The following PTGES3L variants were observed in gnomAD, a reference collection of about 807,000 sequenced individuals.
PTGES3L encodes the protein putative protein PTGES3L.
A neutral mutation model predicts 25.0 loss-of-function variants in PTGES3L; 17 were observed. The ratio of observed to expected loss-of-function variants is 0.68; its 90% CI spans 0.47 to 1.02. The LOEUF (loss-of-function observed/expected upper bound fraction) is 1.02, where lower values mean the gene tolerates loss of function less well. Among genes scored for constraint, PTGES3L ranks in the 50% least tolerant of loss-of-function variants. PTGES3L has a pLI of 0.00. For missense variants in PTGES3L, 202 were observed against 197.5 expected, an observed-to-expected ratio of 1.02 and a Z score of -0.14; for synonymous variants, 59 against 65.7, an observed-to-expected ratio of 0.90 and a Z score of 0.50.
chr17:42,971,192 C>A (rs911410491), intron 5 of PTGES3L, among the ~76,000 whole-genome samples: 2 of 151,778 alleles, frequency 1.3e-5, no homozygotes, highest in Admixed American at 1.3e-4. Flanking sequence ...CCCAGCTACT[C>A]AGGAGGATGA....
rs1365037998 is a variant in PTGES3L, at chr17:42,975,309, T to C, written c.289-3613A>G. Among the ~76,000 whole-genome samples, 4 of 151,658 alleles carry C rather than the reference T, an allele frequency of 2.6e-5. No homozygotes were observed. The East Asian group carries it at 7.7e-4, about 29-fold the overall frequency. On this transcript the variant is annotated intron_variant, in intron 4 of 6. Coordinates refer to ENST00000591916, the MANE Select transcript of PTGES3L (RefSeq NM_001261430.2). The stretch of plus-strand genomic sequence containing the variant: ...GTCACAAGAACCCAGGTTTCTGGAG[T>C]GGCAGGGCTTTGAAGGATGCACAGG...
At chr17:42,978,374 T>A (rs1302358737) in intron 4 of PTGES3L, among the ~76,000 whole-genome samples, 1 of 152,102 alleles carries the variant, frequency 6.6e-6, no homozygotes. Flanking sequence ...GCCACTGCAC[T>A]CCAGCCTGTG....
chr17:42,971,379 C>T (rs138654990), intron 5 of PTGES3L, among the ~76,000 whole-genome samples: 61 of 152,252 alleles, frequency 4.0e-4, no homozygotes, highest in Non-Finnish European at 7.6e-4. Context: ...ACAGGCTCTA[C>T]ACTGAATAAG....
chr17:42,970,467 C>T, intron 5 of PTGES3L, 125 bp from the exon 6 acceptor site: 1 of 962,800 alleles, frequency 1.0e-6, no homozygotes, highest in Non-Finnish European at 1.6e-6. Context: ...ATCTTTAAAA[C>T]ATCACTGGAA....
Position 42,968,588 on chromosome 17 carries a change from C to T in PTGES3L, c.*560G>A, listed in dbSNP as rs2049774578. ...TAGAGTGTGCAGGAAGCTGAAGTGG[C>T]TGGTTCTAGAGATGACAGAATTAGC... On this transcript the variant is annotated 3_prime_UTR_variant, in exon 7 of 7. Transcript: ENST00000591916. 1 of 151,340 alleles carries T rather than the reference C, an allele frequency of 6.6e-6. No homozygotes were observed. Among genetic ancestry groups the T allele is most frequent in the South Asian group, 2.1e-4 (1 of 4,798 alleles). The allele number at this position is 151,340 out of a possible 1,614,324, so 9.4% of individuals were successfully genotyped here. A position where few individuals can be genotyped will look rare whatever the true frequency, so the allele number is the denominator to read the frequency against.
rs1004117981 is a variant in PTGES3L, at chr17:42,968,834, G to A, written c.*314C>T. Reference sequence around the variant, plus strand: ...TAATCTGCATTCTTCTTTGGCTTTTGTTTTGCCACATACACACACATACTC... The same window carrying A: ...TAATCTGCATTCTTCTTTGGCTTTTATTTTGCCACATACACACACATACTC... On this transcript the variant is annotated 3_prime_UTR_variant, in exon 7 of 7. Transcript: ENST00000591916. 1 of 311,338 alleles carries A rather than the reference G, an allele frequency of 3.2e-6. No homozygotes were observed. The highest frequency in any genetic ancestry group is 2.1e-5 in the African/African-American group (1 of 47,028). 19.3% of individuals were successfully genotyped at this position (311,338 alleles called of 1,614,324 possible). A position where few individuals can be genotyped will look rare whatever the true frequency, so the allele number is the denominator to read the frequency against.
At chr17:42,977,697 AAAG>A (rs2049984555) in intron 4 of PTGES3L, among the ~76,000 whole-genome samples, 1 of 149,790 alleles carries the variant, frequency 6.7e-6, no homozygotes, top group African/African-American at 2.5e-5. Context: ...GAAAGAAAAG[AAAG>A]AAAGAAAGAA....
chr17:42,971,022 G>A (rs2151947519), intron 5 of PTGES3L, among the ~76,000 whole-genome samples: 1 of 151,462 alleles, frequency 6.6e-6, no homozygotes, highest in Non-Finnish European at 1.5e-5. Flanking sequence ...ACACAGGCCA[G>A]GCATGGTGAC....
intron 4 of PTGES3L, among the ~76,000 whole-genome samples, chr17:42,973,235 G>C (rs1327932983): frequency 7.5e-5 from 11 of 147,396 alleles, no homozygotes; most frequent in African/African-American, 1.0e-4. Context: ...CCGTCCGGGA[G>C]GGAGGTGGGG....
chr17:42,972,846 C>T (rs368077566), intron 4 of PTGES3L, among the ~76,000 whole-genome samples: 5 of 148,588 alleles, frequency 3.4e-5, no homozygotes, highest in Middle Eastern at 3.2e-3. Context: ...GGAGCGTCTC[C>T]GCCCGGCCGC....
chr17:42,974,177 A>G (rs751825538), intron 4 of PTGES3L, among the ~76,000 whole-genome samples: 1 of 151,984 alleles, frequency 6.6e-6, no homozygotes, highest in African/African-American at 2.4e-5. Context: ...CCTGGCCAAC[A>G]TGGTAAAACC....
chr17:42,977,439 T>C (rs1173992084), intron 4 of PTGES3L, among the ~76,000 whole-genome samples: 1 of 64,240 alleles, frequency 1.6e-5, no homozygotes, highest in African/African-American at 5.7e-5. Flanking sequence ...AAAAAAAAAA[T>C]ACAAAAATAC....
rs1753761795 is a variant in PTGES3L, at chr17:42,973,306, C to T, written c.289-1610G>A. On this transcript the variant is annotated intron_variant, in intron 4 of 6. Transcript: ENST00000591916. ...GGAGGTGAGGGGCGCCTCTGCCCGG[C>T]GGCCCCTACTGGGAAGTGAAGAGCC... Among the ~76,000 whole-genome samples the T allele has an allele frequency of 2.2e-5, 3 of 135,740 alleles. No homozygotes were observed. The Admixed American group carries it at 2.2e-4, about 10-fold the overall frequency. 89.1% of individuals were successfully genotyped at this position (135,740 alleles called of 152,430 possible). A position where few individuals can be genotyped will look rare whatever the true frequency, so the allele number is the denominator to read the frequency against.
chr17:42,973,203 G>A (rs2049884386), intron 4 of PTGES3L, among the ~76,000 whole-genome samples: 1 of 144,138 alleles, frequency 6.9e-6, no homozygotes, highest in Non-Finnish European at 1.5e-5. Context: ...GGGGGGGTCA[G>A]CCCCCCGCCC....
intron 4 of PTGES3L, among the ~76,000 whole-genome samples, chr17:42,975,753 T>C (rs1232495833): frequency 1.3e-5 from 2 of 152,174 alleles, no homozygotes; most frequent in African/African-American, 4.8e-5. Context: ...CTCGGCTGAC[T>C]GCAACCTCTG....
chr17:42,973,284 G>C (rs1597738390), intron 4 of PTGES3L, among the ~76,000 whole-genome samples: 1 of 135,812 alleles, frequency 7.4e-6, no homozygotes, highest in East Asian at 2.2e-4. Flanking sequence ...CCGTCCGGGA[G>C]GTGAGGGGCG....
At chr17:42,976,846 G>A (rs1457788411) in intron 4 of PTGES3L, among the ~76,000 whole-genome samples, 1 of 152,218 alleles carries the variant, frequency 6.6e-6, no homozygotes. Context: ...TGAGGGCAAT[G>A]CAGAGAATGG....
intron 4 of PTGES3L, among the ~76,000 whole-genome samples, chr17:42,976,348 T>C (rs977123055): frequency 2.0e-5 from 3 of 152,152 alleles, no homozygotes; most frequent in Admixed American, 6.6e-5. Context: ...CAGCAACTAA[T>C]AAAAATTTTT....
chr17:42,972,474 A>G (rs1284746217), intron 4 of PTGES3L, among the ~76,000 whole-genome samples: 2 of 151,464 alleles, frequency 1.3e-5, no homozygotes, highest in African/African-American at 4.8e-5. Flanking sequence ...CTGCGATTGC[A>G]GGCACGCACC....
Sources: allele counts gnomAD v4.1 joint callset (sites outside exome capture counted in the v4.1 genomes callset), GRCh38; gene constraint gnomAD v4.1.1; transcripts MANE v1.5; gene names NCBI Gene and HGNC (gene_info 2026-07-23, HGNC 2026-07-21).